The following PACS2 variants were observed in gnomAD, a reference collection of about 807,000 sequenced individuals.
PACS2 encodes phosphofurin acidic cluster sorting protein 2, also known as PACS1-like protein.
A neutral mutation model predicts 113.0 loss-of-function variants in PACS2; 36 were observed. The observed-to-expected ratio is 0.32, with a 90% CI of 0.24 to 0.42. The LOEUF is 0.42. PACS2 is among the 10% of genes least tolerant of loss of function. The probability of loss-of-function intolerance (pLI) is 1.00; values close to 1 mark genes in which losing one functional copy is unlikely to be tolerated. For synonymous variants in PACS2, 589 were observed against 536.1 expected (o/e 1.10, Z -1.36); for missense variants, 1,015 against 1,239.5 (o/e 0.82, Z 2.72).
At chr14:105,359,107 C>T (rs1430264612) in intron 4 of PACS2, among the ~76,000 whole-genome samples, 6 of 151,856 alleles carry the variant, frequency 4.0e-5, no homozygotes, top group Non-Finnish European at 5.9e-5. Context: ...CGGTGCATGG[C>T]GACCTCCCAG....
chr14:105,346,579 C>T (rs1169956849), intron 1 of PACS2, among the ~76,000 whole-genome samples: 1 of 68,978 alleles, frequency 1.4e-5, no homozygotes, highest in African/African-American at 6.2e-5. Flanking sequence ...CGCACGACTT[C>T]CCCCCCTACC....
At chr14:105,326,283 G>C (rs775296093) in intron 1 of PACS2, among the ~76,000 whole-genome samples, 1 of 152,326 alleles carries the variant, frequency 6.6e-6, no homozygotes, top group South Asian at 2.1e-4. Context: ...CGGGTGGGGC[G>C]GGGGCTCCGC....
intron 16 of PACS2, chr14:105,383,873 G>A (rs1555412818): frequency 3.3e-6 from 1 of 305,102 alleles, no homozygotes; most frequent in African/African-American, 2.2e-5. Context: ...AAAGTCAGAA[G>A]TGCAAAGCAG....
At chr14:105,353,186 GC>G (rs1363725946) in intron 3 of PACS2, among the ~76,000 whole-genome samples, 3 of 121,466 alleles carry the variant, frequency 2.5e-5, no homozygotes, top group Admixed American at 8.5e-5. Flanking sequence ...GGGGTGACGG[GC>G]CCCCCCAATC....
intron 3 of PACS2, among the ~76,000 whole-genome samples, chr14:105,353,315 C>G (rs1222949912): frequency 7.6e-6 from 1 of 132,440 alleles, no homozygotes; most frequent in African/African-American, 2.9e-5. Flanking sequence ...GGTGATGGGC[C>G]CCCTCGTCAC....
chr14:105,384,464 G>T lies in PACS2; in HGVS notation c.1891+1G>T. The T allele has an allele frequency of 6.3e-7, 1 of 1,599,220 alleles. No homozygotes were observed. The highest frequency in any genetic ancestry group is 8.6e-7 in the Non-Finnish European group (1 of 1,169,136). On this transcript the variant is annotated splice_donor_variant, in intron 17 of 24. Coordinates refer to ENST00000447393, the MANE Select transcript of PACS2 (RefSeq NM_001100913.3). LOFTEE classifies it high-confidence loss of function. The stretch of plus-strand genomic sequence containing the variant: ...AACAAGCTGGAGGCCCAGAGTGCGG[G>T]TGAGGCCCGGGCGCGTCCACAGCCC...
intron 1 of PACS2, among the ~76,000 whole-genome samples, chr14:105,327,171 A>G (rs1425436429): frequency 2.6e-5 from 4 of 152,186 alleles, no homozygotes; most frequent in African/African-American, 9.6e-5. Flanking sequence ...GCCAAGGGGT[A>G]TCTCACCAGC....
intron 4 of PACS2, among the ~76,000 whole-genome samples, chr14:105,362,577 G>A (rs187404525): frequency 1.9e-3 from 292 of 152,052 alleles, no homozygotes; most frequent in Non-Finnish European, 2.9e-3. Context: ...GAGGCCAGGC[G>A]CAGTGGCTCA....
Position 105,392,859 on chromosome 14 carries a change from G to A in PACS2, c.2482+14G>A. ...AGAACAAGAAGGGTGAGGTGGGGCA[G>A]GCTATAAGGCCACACGGCGCAGAAG... On this transcript the variant is annotated intron_variant, in intron 23 of 24. Transcript: ENST00000447393. 6.4e-7 allele frequency: 1 copy of A among 1,569,428 alleles called. No individual in the cohort carries two copies. The highest frequency in any genetic ancestry group is 1.7e-5 in the Admixed American group (1 of 59,958).
rs190561331 is a variant in PACS2 at position 105,319,148 on chromosome 14, A to G, written c.119+4111A>G. On this transcript the variant is annotated intron_variant, in intron 1 of 24. Transcript: ENST00000447393. The stretch of plus-strand genomic sequence containing the variant: ...TTTTTAGTAGAGACAGGGTTTCACC[A>G]TGTTGGCCAGGATGGTCTCGATCTC... Among the ~76,000 whole-genome samples, 1,247 of 130,356 alleles carry G rather than the reference A, an allele frequency of 9.6e-3. 18 individuals carry two copies. Among genetic ancestry groups the G allele is most frequent in the Non-Finnish European group, 7.3e-3 (447 of 60,960 alleles). 85.5% of individuals were successfully genotyped at this position (130,356 alleles called of 152,430 possible).
intron 1 of PACS2, among the ~76,000 whole-genome samples, chr14:105,304,538 A>C (rs78272293): frequency 1.3e-5 from 2 of 152,226 alleles, no homozygotes; most frequent in Non-Finnish European, 2.9e-5. Flanking sequence ...GTGAGGCTCT[A>C]CTGGGCAATG....
At chr14:105,353,799 G>A (rs782559799) in intron 3 of PACS2, among the ~76,000 whole-genome samples, 3 of 152,006 alleles carry the variant, frequency 2.0e-5, no homozygotes, top group South Asian at 2.1e-4. Flanking sequence ...TCACCATGTC[G>A]GCCAGGCTGG....
intron 20 of PACS2, 24 bp from the exon 21 acceptor site, chr14:105,391,183 C>T: frequency 6.9e-6 from 11 of 1,602,522 alleles, no homozygotes; most frequent in Non-Finnish European, 9.4e-6. Flanking sequence ...CGGCTTTCAC[C>T]AGCCAGTGCC....
intron 1 of PACS2, among the ~76,000 whole-genome samples, chr14:105,334,656 A>G (rs2059441293): frequency 6.6e-6 from 1 of 152,150 alleles, no homozygotes; most frequent in South Asian, 2.1e-4. Flanking sequence ...GTAGAGCTCC[A>G]CCTGAGGGCC....
intron 15 of PACS2, 122 bp from the exon 16 acceptor site, chr14:105,383,237 C>T: frequency 8.9e-7 from 1 of 1,124,354 alleles, no homozygotes; most frequent in South Asian, 1.2e-5. Flanking sequence ...AGCTCCAGGG[C>T]AGTTGTGGCA....
chr14:105,355,993 T>C lies in PACS2; in HGVS notation c.423+816T>C, dbSNP rs960159362. On this transcript the variant is annotated intron_variant, in intron 4 of 24. Coordinates refer to ENST00000447393, the MANE Select transcript of PACS2 (RefSeq NM_001100913.3). The surrounding 1 kb of genome is among the most constrained non-coding windows in gnomAD (Gnocchi z 4.1). Reference sequence around the variant, plus strand: ...GCGGGCGTGAGTGGTGCTTGGGGCATGTGAAGCTGGGTTGCTGCCTGCCTG... The same window carrying C: ...GCGGGCGTGAGTGGTGCTTGGGGCACGTGAAGCTGGGTTGCTGCCTGCCTG... 1.3e-5 allele frequency among the ~76,000 whole-genome samples: 2 copies of C among 152,254 alleles called. No individual in the cohort carries two copies. The highest frequency in any genetic ancestry group is 2.1e-4 in the South Asian group (1 of 4,822).
chr14:105,306,765 C>T (rs868861826), intron 1 of PACS2, among the ~76,000 whole-genome samples: 1 of 152,188 alleles, frequency 6.6e-6, no homozygotes, highest in Non-Finnish European at 1.5e-5. Context: ...GCCACTGCGC[C>T]CAGCTAATTT....
intron 4 of PACS2, among the ~76,000 whole-genome samples, chr14:105,362,352 G>A (rs1458758253): frequency 6.7e-6 from 1 of 148,684 alleles, no homozygotes; most frequent in Non-Finnish European, 1.5e-5. Flanking sequence ...TGGAGGTGGA[G>A]CTTGCAGTGA....
chr14:105,304,678 G>A (rs187949099), intron 1 of PACS2, among the ~76,000 whole-genome samples: 49 of 152,284 alleles, frequency 3.2e-4, no homozygotes, highest in African/African-American at 1.0e-3. Flanking sequence ...GAGACTGGGC[G>A]ATTAACAAAC....
Sources: allele counts gnomAD v4.1 joint callset (sites outside exome capture counted in the v4.1 genomes callset), GRCh38; gene constraint gnomAD v4.1.1; non-coding constraint Gnocchi (gnomAD v3.1); transcripts MANE v1.5; gene names NCBI Gene and HGNC (gene_info 2026-07-23, HGNC 2026-07-21).